Variants in NEK10 observed in about 807,000 individuals in gnomAD.
NEK10 encodes serine/threonine-protein kinase Nek10.
Under a neutral mutation model 159.8 loss-of-function variants are expected in NEK10, and 122 were observed. The observed-to-expected ratio is 0.76, with a 90% confidence interval of 0.66 to 0.89. The LOEUF (loss-of-function observed/expected upper bound fraction) is 0.89, where lower values mean the gene tolerates loss of function less well. Ranked by LOEUF, NEK10 falls within the 40% of genes least tolerant of loss-of-function variation. The pLI, the probability that NEK10 is intolerant of heterozygous loss-of-function variation, is 0.00. For missense variants in NEK10, 1,342 were observed against 1,323.1 expected (o/e 1.01, Z -0.22); for synonymous variants, 466 against 457.1 (o/e 1.02, Z -0.25).
chr3:27,241,085 A>G (rs1954510625), intron 23 of NEK10, among the ~76,000 whole-genome samples: 1 of 152,192 alleles, frequency 6.6e-6, no homozygotes, highest in Admixed American at 6.5e-5. Flanking sequence ...GACTGGGGGA[A>G]AAAATTCTCA....
At chr3:27,179,198 G>T (rs1306528581) in intron 26 of NEK10, among the ~76,000 whole-genome samples, 1 of 151,996 alleles carries the variant, frequency 6.6e-6, no homozygotes, top group Non-Finnish European at 1.5e-5. Context: ...CTGGTGTTTT[G>T]GGGCCCTAAA....
At chr3:27,307,363 T>C (rs896454167) in intron 11 of NEK10, among the ~76,000 whole-genome samples, 1 of 152,214 alleles carries the variant, frequency 6.6e-6, no homozygotes, top group African/African-American at 2.4e-5. Context: ...ACTATCTGGA[T>C]AGTTATTAGA....
intron 23 of NEK10, among the ~76,000 whole-genome samples, chr3:27,232,059 C>G (rs1414222035): frequency 6.6e-6 from 1 of 151,798 alleles, no homozygotes; most frequent in African/African-American, 2.4e-5. Flanking sequence ...ATTAATAACC[C>G]TGATGAATAT....
chr3:27,304,752 T>C lies in NEK10; in HGVS notation c.1023A>G (p.Leu341=). 2 of 1,610,302 alleles carry C rather than the reference T, an allele frequency of 1.2e-6. No individual in the cohort carries two copies. The highest frequency in any genetic ancestry group is 1.1e-5 in the South Asian group (1 of 90,998). The stretch of plus-strand genomic sequence containing the variant: ...CAAAGCCCACTTTTACTCACCCTTG[T>C]AAAATATGAAGAAGCTGTTTGATGC... ...WGGIKQLLHI[L]QGDRNFVSDH... The change falls in exon 12 of 36, where the codon TTA becomes TTG. Residue 341 remains leucine, a synonymous_variant. Coordinates refer to ENST00000691995, the MANE Select transcript of NEK10 (RefSeq NM_001394966.1).
At chr3:27,169,007 A>T (rs1253378026) in intron 29 of NEK10, among the ~76,000 whole-genome samples, 1 of 152,196 alleles carries the variant, frequency 6.6e-6, no homozygotes, top group Non-Finnish European at 1.5e-5. Context: ...GATATAGACC[A>T]TATGGGGTTT....
intron 23 of NEK10, among the ~76,000 whole-genome samples, chr3:27,204,275 CTTTTTTTTTTT>C (rs1203026508): frequency 1.6e-5 from 1 of 64,006 alleles, no homozygotes; most frequent in East Asian, 4.6e-4. Context: ...GATAAATTTT[CTTTTTTTTTTT>C]TTTTTTTTGT....
intron 26 of NEK10, among the ~76,000 whole-genome samples, chr3:27,187,687 T>G (rs892993190): frequency 6.6e-6 from 1 of 150,628 alleles, no homozygotes; most frequent in African/African-American, 2.4e-5. Flanking sequence ...TAGCCCATAG[T>G]GAGGCAGAGC....
In NEK10 at chr3:27,129,554, CTCATT is replaced by C. The variant is rs1227078425; in HGVS notation, c.3081+2321_3081+2325del. On this transcript the variant is annotated intron_variant, in intron 32 of 35. Transcript: ENST00000691995. ...GTAAAAATGGAGGTCACAAACTCTT[CTCATT>C]TAAGTTTAGATGAAGGCAGGAAAGT... Among the ~76,000 whole-genome samples the C allele has an allele frequency of 2.0e-5, 3 of 152,006 alleles. No individual in the cohort carries two copies. In the East Asian group the frequency reaches 5.8e-4, roughly 29 times the overall value.
chr3:27,363,768 G>A (rs571083337), intron 1 of NEK10: 2 of 152,326 alleles, frequency 1.3e-5, no homozygotes, highest in East Asian at 1.9e-4. Flanking sequence ...GCATACACAT[G>A]TGTATTATAT....
At chr3:27,153,165 A>C (rs895819345) in intron 30 of NEK10, among the ~76,000 whole-genome samples, 12 of 152,102 alleles carry the variant, frequency 7.9e-5, no homozygotes, top group African/African-American at 2.7e-4. Flanking sequence ...CTAAAAATAC[A>C]AAAAATTAGC....
At chr3:27,326,712 A>C (rs778347573) in intron 5 of NEK10, among the ~76,000 whole-genome samples, 1 of 152,212 alleles carries the variant, frequency 6.6e-6, no homozygotes, top group Non-Finnish European at 1.5e-5. Context: ...CAATTTGGGA[A>C]CTGAAGCCCA....
At chr3:27,179,162 C>G (rs1025643086) in intron 26 of NEK10, among the ~76,000 whole-genome samples, 5 of 152,050 alleles carry the variant, frequency 3.3e-5, no homozygotes, top group African/African-American at 9.7e-5. Context: ...GTTAAGAGAG[C>G]AATAGTTAAA....
intron 5 of NEK10, among the ~76,000 whole-genome samples, chr3:27,325,712 G>A (rs1385352913): frequency 6.6e-6 from 1 of 152,108 alleles, no homozygotes; most frequent in Non-Finnish European, 1.5e-5. Context: ...GAGGTTGATA[G>A]GTAAGCTCTT....
At chr3:27,320,507 A>G (rs897004418) in intron 6 of NEK10, among the ~76,000 whole-genome samples, 6 of 152,248 alleles carry the variant, frequency 3.9e-5, no homozygotes, top group African/African-American at 1.4e-4. Flanking sequence ...CAGTAAGCAC[A>G]TAATAAGACT....
chr3:27,271,094 A>G (rs1575536831), intron 22 of NEK10, among the ~76,000 whole-genome samples: 1 of 152,266 alleles, frequency 6.6e-6, no homozygotes, highest in East Asian at 1.9e-4. Context: ...GTATATGTAC[A>G]TATATAGGCA....
At chr3:27,338,173 T>A (rs2046946271) in intron 5 of NEK10, among the ~76,000 whole-genome samples, 1 of 152,192 alleles carries the variant, frequency 6.6e-6, no homozygotes, top group South Asian at 2.1e-4. Flanking sequence ...CACTTATGAG[T>A]GAGGACATGC....
chr3:27,332,312 A>T (rs141266860), intron 5 of NEK10, among the ~76,000 whole-genome samples: 3 of 152,246 alleles, frequency 2.0e-5, no homozygotes, highest in Non-Finnish European at 4.4e-5. Context: ...TTCTGAAAAA[A>T]TATTCATATA....
chr3:27,134,580 G>A (rs756921420), intron 31 of NEK10, among the ~76,000 whole-genome samples: 2 of 152,144 alleles, frequency 1.3e-5, no homozygotes, highest in African/African-American at 2.4e-5. Flanking sequence ...GAATTCTTGC[G>A]ATTTATTTAA....
chr3:27,128,870 C>G (rs1288985806), intron 32 of NEK10, among the ~76,000 whole-genome samples: 1 of 152,094 alleles, frequency 6.6e-6, no homozygotes, highest in African/African-American at 2.4e-5. Flanking sequence ...TGCTCTAGAC[C>G]AAAATCACCT....
Sources: allele counts gnomAD v4.1 joint callset (sites outside exome capture counted in the v4.1 genomes callset), GRCh38; gene constraint gnomAD v4.1.1; transcripts MANE v1.5; gene names NCBI Gene and HGNC (gene_info 2026-07-23, HGNC 2026-07-21).